The following NOL10 variants were observed in gnomAD, a reference collection of about 807,000 sequenced individuals.
NOL10 encodes the protein H_NH0074G24.1.
A neutral mutation model predicts 103.5 loss-of-function variants in NOL10; 58 were observed. That is an observed-to-expected ratio of 0.56 (90% CI 0.45 to 0.70). NOL10 has a LOEUF of 0.70. Ranked by LOEUF, NOL10 falls within the 30% of genes least tolerant of loss-of-function variation. The pLI, the probability that NOL10 is intolerant of heterozygous loss-of-function variation, is 0.00. For synonymous variants in NOL10, 287 were observed against 282.5 expected, an observed-to-expected ratio of 1.02 and a Z score of -0.16; for missense variants, 763 against 807.3, an observed-to-expected ratio of 0.95 and a Z score of 0.67.
chr2:10,677,871 G>GTGTGTGTA (rs201387297), intron 3 of NOL10, among the ~76,000 whole-genome samples: 13,569 of 145,832 alleles, frequency 0.093, 786 homozygotes, highest in South Asian at 0.3. Flanking sequence ...GTGTGTGTGT[G>GTGTGTGTA]TATACACATA....
Position 10,659,225 on chromosome 2 carries a change from C to T in NOL10, c.703G>A (p.Ala235Thr), listed in dbSNP as rs1558331046. ...SEINSLPTIS[A>T]LKFNGALTMA... ...GTCAAGGCACCATTAAATTTCAAAG[C>T]AGAGATTGTTGGTAAACTGTTTATC... The change falls in exon 10 of 21, where the codon GCT becomes ACT. Residue 235 changes from alanine to threonine, a missense_variant. Physicochemically the swap from Ala to Thr is moderately conservative, Grantham distance 58. Coordinates refer to ENST00000381685, the MANE Select transcript of NOL10 (RefSeq NM_024894.4). 6.2e-7 allele frequency: 1 copy of T among 1,602,804 alleles called. No individual in the cohort carries two copies. The highest frequency in any genetic ancestry group is 8.5e-7 in the Non-Finnish European group (1 of 1,174,380).
chr2:10,685,498 CCCCCCCCCCG>C (rs57753811), intron 1 of NOL10, among the ~76,000 whole-genome samples: 27,316 of 62,054 alleles, frequency 0.44, 5,061 homozygotes, highest in South Asian at 0.67. Context: ...TCCCCCCCCC[CCCCCCCCCCG>C]CCAAAAAAAA....
chr2:10,678,433 A>C (rs1036869624), intron 3 of NOL10, among the ~76,000 whole-genome samples: 5 of 143,218 alleles, frequency 3.5e-5, no homozygotes, highest in African/African-American at 4.9e-5. Flanking sequence ...AAAAAAAAAA[A>C]AAACACTAAT....
intron 13 of NOL10, among the ~76,000 whole-genome samples, chr2:10,625,032 A>G (rs1028994653): frequency 6.6e-6 from 1 of 152,224 alleles, no homozygotes; most frequent in African/African-American, 2.4e-5. Context: ...AAAAGCCTAC[A>G]TACTGTATGA....
intron 17 of NOL10, among the ~76,000 whole-genome samples, chr2:10,600,008 TAAAA>T (rs561886210): frequency 4.1e-5 from 6 of 145,122 alleles, no homozygotes; most frequent in African/African-American, 1.3e-4. Context: ...AGAATAAGCT[TAAAA>T]AAAAAAAGAA....
In NOL10 at chr2:10,589,160, C is replaced by T. The variant is rs776780378; in HGVS notation, c.1727G>A (p.Arg576Gln). The T allele has an allele frequency of 4.8e-5, 77 of 1,613,858 alleles. No homozygotes were observed. The highest frequency in any genetic ancestry group is 5.8e-5 in the Non-Finnish European group (69 of 1,179,900). Residue 576 changes from arginine to glutamine, a missense_variant, in exon 19 of 21, where the codon CGG becomes CAG. Arg to Gln is a conservative substitution (Grantham distance 43). Transcript: ENST00000381685. The part of the protein sequence containing the change: ...RLLQQEEKVK[R>Q]QERLKEDQQT... Reference sequence around the variant, plus strand: ...CTGGTCCTCCTTGAGTCGTTCCTGCCGCTTCACTTTTTCCTCCTGCTGGAG... The same window carrying T: ...CTGGTCCTCCTTGAGTCGTTCCTGCTGCTTCACTTTTTCCTCCTGCTGGAG...
At chr2:10,680,000 C>T (rs749562580) in intron 3 of NOL10, among the ~76,000 whole-genome samples, 5 of 151,988 alleles carry the variant, frequency 3.3e-5, no homozygotes, top group South Asian at 4.1e-4. Flanking sequence ...TTAGGCCAGG[C>T]GCAGTGGCTC....
chr2:10,675,455 T>C (rs1558348042), intron 4 of NOL10, among the ~76,000 whole-genome samples: 1 of 151,770 alleles, frequency 6.6e-6, no homozygotes, highest in Admixed American at 6.6e-5. Context: ...ATTTTGGGGG[T>C]TTGGGGGGGG....
intron 13 of NOL10, among the ~76,000 whole-genome samples, chr2:10,607,862 C>T (rs974485988): frequency 3.3e-5 from 5 of 151,566 alleles, no homozygotes; most frequent in South Asian, 4.2e-4. Flanking sequence ...CCACCACACT[C>T]GGCCCAAAAT....
intron 11 of NOL10, among the ~76,000 whole-genome samples, chr2:10,655,089 A>C (rs1679747787): frequency 6.6e-6 from 1 of 151,910 alleles, no homozygotes; most frequent in South Asian, 2.1e-4. Flanking sequence ...CTGCAACTGT[A>C]ATCCCAGCTA....
intron 17 of NOL10, among the ~76,000 whole-genome samples, chr2:10,594,362 A>G (rs929981866): frequency 7.2e-5 from 11 of 152,182 alleles, no homozygotes; most frequent in African/African-American, 2.7e-4. Context: ...TTCCTTCAGG[A>G]AACTGAAGGT....
In NOL10 at chr2:10,618,246, A is replaced by T. The variant is rs576028913; in HGVS notation, c.1027-10935T>A. On this transcript the variant is annotated intron_variant, in intron 13 of 20. Coordinates refer to ENST00000381685, the MANE Select transcript of NOL10 (RefSeq NM_024894.4). Reference sequence around the variant, plus strand: ...TATGTCTTTAAAAAGCTGTTTTTTTAAAAAAAAATGAATTAAGGAGGTTAT... The same window carrying T: ...TATGTCTTTAAAAAGCTGTTTTTTTTAAAAAAAATGAATTAAGGAGGTTAT... 4.6e-4 allele frequency among the ~76,000 whole-genome samples: 66 copies of T among 144,920 alleles called. 1 individual carries two copies. Among genetic ancestry groups the T allele is most frequent in the South Asian group, 4.5e-3 (20 of 4,412 alleles).
At chr2:10,613,342 A>G (rs1254141374) in intron 13 of NOL10, among the ~76,000 whole-genome samples, 1 of 152,252 alleles carries the variant, frequency 6.6e-6, no homozygotes, top group African/African-American at 2.4e-5. Context: ...GCATTTGGTA[A>G]AAGTTAAGTG....
At chr2:10,671,806 T>C in intron 5 of NOL10, 116 bp from the exon 6 acceptor site, 1 of 693,528 alleles carries the variant, frequency 1.4e-6, no homozygotes, top group Non-Finnish European at 2.4e-6. Context: ...ACTTTCTGTA[T>C]CTAAACACAC....
chr2:10,600,835 G>A lies in NOL10; in HGVS notation c.1422+18C>T, dbSNP rs766816104. On this transcript the variant is annotated intron_variant, in intron 17 of 20. Coordinates refer to ENST00000381685, the MANE Select transcript of NOL10 (RefSeq NM_024894.4). The stretch of plus-strand genomic sequence containing the variant: ...CAACAAAACGCAGAAACAATTTGCC[G>A]ATACTTTTTCACCTTACCTTAACTT... 1.2e-5 allele frequency: 17 copies of A among 1,473,852 alleles called. No individual in the cohort carries two copies. The highest frequency in any genetic ancestry group is 1.4e-5 in the Non-Finnish European group (15 of 1,081,082). 91.3% of individuals were successfully genotyped at this position (1,473,852 alleles called of 1,614,324 possible). A position where few individuals can be genotyped will look rare whatever the true frequency, so the allele number is the denominator to read the frequency against.
intron 13 of NOL10, among the ~76,000 whole-genome samples, chr2:10,614,541 A>G (rs1179431506): frequency 1.3e-5 from 2 of 152,236 alleles, no homozygotes; most frequent in African/African-American, 4.8e-5. Flanking sequence ...ATCAAATCAT[A>G]TTAACATCTC....
rs779054877 is a variant in NOL10 at position 10,671,647 on chromosome 2, T to G, written c.371A>C (p.Gln124Pro). The change falls in exon 6 of 21, where the codon CAA becomes CCA. Residue 124 changes from glutamine (Q) to proline (P), a missense_variant. Coordinates refer to ENST00000381685, the MANE Select transcript of NOL10 (RefSeq NM_024894.4). The part of the protein sequence containing the change: ...HNDRYIEFHS[Q>P]SGFYYKTRIP... ...TCTGGTTTTGTAGTAAAAACCTGAT[T>G]GCGAATGAAATTCAATGTATCTATC... 1.8e-5 allele frequency: 29 copies of G among 1,584,012 alleles called. No individual in the cohort carries two copies. The highest frequency in any genetic ancestry group is 2.5e-5 in the Non-Finnish European group (29 of 1,163,016).
intron 13 of NOL10, among the ~76,000 whole-genome samples, chr2:10,621,253 TA>T (rs780511354): frequency 7.1e-4 from 108 of 152,240 alleles, no homozygotes; most frequent in Middle Eastern, 6.8e-3. Flanking sequence ...TGAAGTTTGA[TA>T]GGGGTGGTGG....
intron 13 of NOL10, among the ~76,000 whole-genome samples, chr2:10,627,854 T>A (rs1025661775): frequency 6.6e-6 from 1 of 150,966 alleles, no homozygotes; most frequent in Non-Finnish European, 1.5e-5. Context: ...AAAATACCCA[T>A]GTAACAAACC....
Sources: gnomAD v4.1 joint callset for allele counts (sites outside exome capture counted in the v4.1 genomes callset) on GRCh38, gnomAD v4.1.1 for gene constraint, MANE v1.5 for transcripts, NCBI Gene and HGNC (gene_info 2026-07-23, HGNC 2026-07-21) for gene names.